ZSCAN5A: variants seen among roughly 807,000 people sequenced by gnomAD.
ZSCAN5A encodes zinc finger and SCAN domain-containing protein 5A.
ZSCAN5A carries 12 observed loss-of-function variants against 23.7 expected under a neutral mutation model. The ratio of observed to expected loss-of-function variants is 0.51; its 90% CI spans 0.32 to 0.82. The LOEUF (loss-of-function observed/expected upper bound fraction) is 0.82, where lower values mean the gene tolerates loss of function less well. Ranked by LOEUF, ZSCAN5A falls within the 40% of genes least tolerant of loss-of-function variation. The pLI is 0.03. For synonymous variants in ZSCAN5A, 257 were observed against 239.9 expected (o/e 1.07, Z -0.66); for missense variants, 597 against 617.9 (o/e 0.97, Z 0.36).
At chr19:56,246,484 G>T (rs1340189132) in intron 2 of ZSCAN5A, 1 of 634,214 alleles carries the variant, frequency 1.6e-6, no homozygotes, top group South Asian at 2.0e-5. Context: ...TGAAGACTTG[G>T]ATCCACAGGG....
chr19:56,348,792 A>G (rs1179365013), intron 2 of ZSCAN5A, among the ~76,000 whole-genome samples: 14 of 152,336 alleles, frequency 9.2e-5, no homozygotes, highest in Non-Finnish European at 4.4e-5. Context: ...AAGGAACATT[A>G]AAAGGAAACA....
At chr19:56,348,963 T>C (rs1345384660) in intron 2 of ZSCAN5A, among the ~76,000 whole-genome samples, 1 of 152,178 alleles carries the variant, frequency 6.6e-6, no homozygotes, top group East Asian at 1.9e-4. Flanking sequence ...ACTACTTCTC[T>C]AGGGCATACT....
At chr19:56,329,276 G>A (rs1296317230) in intron 2 of ZSCAN5A, among the ~76,000 whole-genome samples, 1 of 151,894 alleles carries the variant, frequency 6.6e-6, no homozygotes, top group Admixed American at 6.6e-5. Flanking sequence ...TTGAATCTGG[G>A]AGGCAGAAGT....
intron 2 of ZSCAN5A, among the ~76,000 whole-genome samples, chr19:56,327,448 T>A (rs1019562098): frequency 4.7e-5 from 7 of 150,498 alleles, no homozygotes; most frequent in Non-Finnish European, 8.9e-5. Flanking sequence ...ATATATATAT[T>A]TATTAATAAT....
chr19:56,287,877 A>G (rs1236572078), intron 2 of ZSCAN5A, among the ~76,000 whole-genome samples: 1 of 152,184 alleles, frequency 6.6e-6, no homozygotes, highest in Non-Finnish European at 1.5e-5. Context: ...GCCCTCTAAG[A>G]GGTGTAAATG....
At chr19:56,322,495 T>C (rs2041387034) in intron 2 of ZSCAN5A, among the ~76,000 whole-genome samples, 1 of 152,188 alleles carries the variant, frequency 6.6e-6, no homozygotes, top group Non-Finnish European at 1.5e-5. Context: ...CCAGTAATAC[T>C]GGGGGCAAAA....
rs2041672003 is a variant in ZSCAN5A, at chr19:56,352,230, T to C, written c.-358+11005A>G. Among the ~76,000 whole-genome samples the C allele has an allele frequency of 6.6e-6, 1 of 152,104 alleles. No homozygotes were observed. The highest frequency in any genetic ancestry group is 6.6e-5 in the Admixed American group (1 of 15,264). On this transcript the variant is annotated intron_variant, in intron 2 of 6. Coordinates refer to the ZSCAN5A transcript ENST00000587340. This position sits in a 1 kb window ranked among gnomAD's most constrained non-coding sequence, Gnocchi z 4.2. ...CATTCTCCTGCCTCAGCCTCCCAAG[T>C]AGCTGGGACTACAGGCGCCGATAGT...
intron 2 of ZSCAN5A, among the ~76,000 whole-genome samples, chr19:56,254,267 T>G (rs543383127): frequency 1.3e-5 from 2 of 152,322 alleles, no homozygotes; most frequent in East Asian, 3.8e-4. Flanking sequence ...TATATATAAT[T>G]ACATTCTAAT....
At chr19:56,289,706 C>A (rs1329777943) in intron 2 of ZSCAN5A, among the ~76,000 whole-genome samples, 1 of 152,108 alleles carries the variant, frequency 6.6e-6, no homozygotes, top group Non-Finnish European at 1.5e-5. Flanking sequence ...TTAGACCCCC[C>A]AGGCTCAAGC....
chr19:56,238,061 G>GT (rs1050683652), intron 2 of ZSCAN5A, among the ~76,000 whole-genome samples: 3 of 1,020 alleles, frequency 2.9e-3, no homozygotes, highest in African/African-American at 0.011. Context: ...TATGTGTCTA[G>GT]TCCCCTAGAC....
At chr19:56,329,002 A>T (rs12976015) in intron 2 of ZSCAN5A, among the ~76,000 whole-genome samples, 6,099 of 149,122 alleles carry the variant, frequency 0.041, 266 homozygotes, top group East Asian at 0.23. Context: ...CTCAAAAAAA[A>T]AAAAAAATAA....
upstream of ZSCAN5A, chr19:56,316,733 C>T (rs2041320321): frequency 6.6e-6 from 1 of 152,260 alleles, no homozygotes; most frequent in South Asian, 2.0e-4. Flanking sequence ...TCTTTGTTTT[C>T]AGATGTGCTT....
chr19:56,280,760 C>G (rs1172500341), intron 2 of ZSCAN5A: 1 of 152,112 alleles, frequency 6.6e-6, no homozygotes, highest in African/African-American at 2.4e-5. Flanking sequence ...GAGCTTCAAG[C>G]CCTTTTATAA....
intron 2 of ZSCAN5A, among the ~76,000 whole-genome samples, chr19:56,239,978 A>G (rs544458402): frequency 6.6e-6 from 1 of 152,172 alleles, no homozygotes; most frequent in Non-Finnish European, 1.5e-5. Flanking sequence ...CCTGGCCAAC[A>G]TGGTGAAACC....
intron 2 of ZSCAN5A, among the ~76,000 whole-genome samples, chr19:56,324,808 T>A (rs2041417754): frequency 6.6e-6 from 1 of 152,250 alleles, no homozygotes; most frequent in African/African-American, 2.4e-5. Flanking sequence ...ACAGGTTGTG[T>A]GAGCCCCTTG....
chr19:56,319,705 T>C (rs1435511689), upstream of ZSCAN5A: 5 of 613,678 alleles, frequency 8.1e-6, no homozygotes, highest in Non-Finnish European at 1.5e-5. Flanking sequence ...ACTTCATTCA[T>C]AGCAAAATAT....
chr19:56,232,955 T>G (rs892444597), intron 2 of ZSCAN5A, among the ~76,000 whole-genome samples: 1 of 152,194 alleles, frequency 6.6e-6, no homozygotes, highest in Admixed American at 6.5e-5. Flanking sequence ...GTGCTAGGAT[T>G]ACAGGCATCA....
At chr19:56,302,187 T>C (rs919905061) in intron 2 of ZSCAN5A, 54 of 943,114 alleles carry the variant, frequency 5.7e-5, no homozygotes, top group Admixed American at 8.6e-5. Context: ...GGAGGGTGCC[T>C]CAGAGGTGCC....
At chr19:56,230,639 G>A (rs938870579) in intron 2 of ZSCAN5A, among the ~76,000 whole-genome samples, 8 of 130,370 alleles carry the variant, frequency 6.1e-5, no homozygotes, top group Non-Finnish European at 1.1e-4. Context: ...GTGTGTGTGT[G>A]TGTGTGTGTG....
Sources: gnomAD v4.1 joint callset for allele counts (sites outside exome capture counted in the v4.1 genomes callset) on GRCh38, gnomAD v4.1.1 for gene constraint, Gnocchi (gnomAD v3.1) non-coding constraint, MANE v1.5 for transcripts, NCBI Gene and HGNC (gene_info 2026-07-23, HGNC 2026-07-21) for gene names.